The following BLOC1S1 variants were observed in gnomAD, a reference collection of about 807,000 sequenced individuals.
BLOC1S1 encodes the protein biogenesis of lysosome-related organelles complex 1 subunit 1.
A neutral mutation model predicts 19.0 loss-of-function variants in BLOC1S1; 11 were observed. The ratio of observed to expected loss-of-function variants is 0.58; its 90% CI spans 0.37 to 0.96. The LOEUF (loss-of-function observed/expected upper bound fraction) is 0.96. Ranked by LOEUF, BLOC1S1 falls within the 40% of genes least tolerant of loss-of-function variation. The probability of loss-of-function intolerance (pLI) is 0.01; values close to 1 mark genes in which losing one functional copy is unlikely to be tolerated. For missense variants in BLOC1S1, 220 were observed against 195.9 expected (o/e 1.12, Z -0.73); for synonymous variants, 94 against 76.4 (o/e 1.23, Z -1.20).
At position 55,719,072 on chromosome 12, in the gene BLOC1S1, CCCT is replaced by C. The variant is rs1876779287; in HGVS notation, c.219-13_219-11del. ...CCCAACTAGCTGGAGCTGATCTCCT[CCCT>C]CCTCCAACCCCCCAGTGTGGCCCAG... On this transcript the variant is annotated splice_polypyrimidine_tract_variant and intron_variant, in intron 2 of 3. Coordinates refer to ENST00000548925, the MANE Select transcript of BLOC1S1 (RefSeq NM_001487.4). 1 of 1,611,942 alleles carries C rather than the reference CCCT, an allele frequency of 6.2e-7. No individual in the cohort carries two copies.
At position 55,719,437 on chromosome 12, in the gene BLOC1S1, A is replaced by C. The variant is rs548443284; in HGVS notation, c.352-62A>C. The stretch of plus-strand genomic sequence containing the variant: ...GAGATGAATAAAACGTATTCCCCAG[A>C]CTGGAAGCCATACTCTACCCATTCT... On this transcript the variant is annotated intron_variant, in intron 3 of 3. Transcript: ENST00000548925. 4 of 1,512,784 alleles carry C rather than the reference A, an allele frequency of 2.6e-6. No homozygotes were observed. In the South Asian group the frequency reaches 4.5e-5, roughly 17 times the overall value. The allele number at this position is 1,512,784 out of a possible 1,614,324, so 93.7% of individuals were successfully genotyped here. A position where few individuals can be genotyped will look rare whatever the true frequency, so the allele number is the denominator to read the frequency against.
intron 2 of BLOC1S1, among the ~76,000 whole-genome samples, chr12:55,718,053 T>G (rs1277080656): frequency 6.6e-6 from 1 of 152,234 alleles, no homozygotes; most frequent in Non-Finnish European, 1.5e-5. Flanking sequence ...CCTTTCCCTC[T>G]TCTTTTCCTT....
intron 2 of BLOC1S1, 90 bp from the exon 3 acceptor site, chr12:55,719,001 G>A (rs940899162): frequency 2.0e-6 from 3 of 1,495,962 alleles, no homozygotes; most frequent in Admixed American, 4.4e-5. Flanking sequence ...CTGATTCTTG[G>A]CTGAACTCCC....
chr12:55,719,671 T>C lies in BLOC1S1; in HGVS notation c.*62T>C. 7.2e-7 allele frequency: 1 copy of C among 1,382,044 alleles called. No homozygotes were observed. Among genetic ancestry groups the C allele is most frequent in the Non-Finnish European group, 1.0e-6 (1 of 978,380 alleles). 85.6% of individuals were successfully genotyped at this position (1,382,044 alleles called of 1,614,324 possible). A position where few individuals can be genotyped will look rare whatever the true frequency, so the allele number is the denominator to read the frequency against. On this transcript the variant is annotated 3_prime_UTR_variant, in exon 4 of 4. Coordinates refer to ENST00000548925, the MANE Select transcript of BLOC1S1 (RefSeq NM_001487.4). ...CACCCGCAGGGGGAAGGAGGGAGGC[T>C]GACAAGCCTTGAATAAAACACAAGC...
chr12:55,719,673 A>G lies in BLOC1S1; in HGVS notation c.*64A>G, dbSNP rs1003100626. On this transcript the variant is annotated 3_prime_UTR_variant, in exon 4 of 4. Transcript: ENST00000548925. ...CCCGCAGGGGGAAGGAGGGAGGCTG[A>G]CAAGCCTTGAATAAAACACAAGCCT... is the stretch of plus-strand genomic sequence containing the variant. The G allele has an allele frequency of 7.2e-6, 10 of 1,380,808 alleles. No individual in the cohort carries two copies. The African/African-American group carries it at 1.4e-4, about 20-fold the overall frequency. The allele number at this position is 1,380,808 out of a possible 1,614,324, so 85.5% of individuals were successfully genotyped here. A position where few individuals can be genotyped will look rare whatever the true frequency, so the allele number is the denominator to read the frequency against.
intron 1 of BLOC1S1, 141 bp from the exon 2 acceptor site, chr12:55,716,792 G>A: frequency 6.3e-6 from 8 of 1,264,810 alleles, no homozygotes; most frequent in Non-Finnish European, 3.2e-6. Flanking sequence ...GTTTTGCAAG[G>A]TCCTTTTCAG....
chr12:55,716,354 C>T, intron 1 of BLOC1S1, 158 bp downstream of exon 1: 2 of 1,459,490 alleles, frequency 1.4e-6, no homozygotes, highest in East Asian at 5.2e-5. Flanking sequence ...TTTTTTGAAA[C>T]TCCTTTCCCT....
Position 55,716,058 on chromosome 12 carries a change from CCGG to C in BLOC1S1, c.8_10del (p.Pro3_Gly4delinsArg). ...GACACAGCGGTCACGTGACATGGCCCCGGGGAGCCGAGGTGAGCGTTCCAGCTT... is the reference window on the plus strand; with the variant it reads ...GACACAGCGGTCACGTGACATGGCCCGGAGCCGAGGTGAGCGTTCCAGCTT... On this transcript the variant is annotated inframe_deletion, in exon 1 of 4. Transcript: ENST00000548925. 1 of 1,558,306 alleles carries C rather than the reference CCGG, an allele frequency of 6.4e-7. No individual in the cohort carries two copies. Among genetic ancestry groups the C allele is most frequent in the Non-Finnish European group, 8.7e-7 (1 of 1,152,250 alleles).
chr12:55,719,282 T>G, intron 3 of BLOC1S1, 59 bp downstream of exon 3: 1 of 1,612,278 alleles, frequency 6.2e-7, no homozygotes, highest in Non-Finnish European at 8.5e-7. Flanking sequence ...CTGCCTCCAG[T>G]CAGGTTACCT....
At chr12:55,716,400 G>GT (rs1286335252) in intron 1 of BLOC1S1, 1 of 1,395,602 alleles carries the variant, frequency 7.2e-7, no homozygotes, top group African/African-American at 1.5e-5. Flanking sequence ...CAATACTCCG[G>GT]TCCCCTCGGC....
intron 1 of BLOC1S1, chr12:55,716,567 G>C (rs1202840054): frequency 8.3e-7 from 1 of 1,207,308 alleles, no homozygotes; most frequent in Non-Finnish European, 1.0e-6. Context: ...CTTCTTGGAG[G>C]CCTGAAACCA....
In BLOC1S1 at chr12:55,716,084, C is replaced by T. The variant is rs1297319654; in HGVS notation, c.33C>T (p.Ser11=). MAPGSRGERS[S]FRSRRGPGVP... is the part of the protein sequence containing the mutation. The stretch of plus-strand genomic sequence containing the variant: ...CGGGGAGCCGAGGTGAGCGTTCCAG[C>T]TTCCGGAGCCGGAGGGGGCCCGGCG... Residue 11 remains serine, a synonymous_variant, in exon 1 of 4, where the codon AGC becomes AGT. Transcript: ENST00000548925. 4 of 1,580,388 alleles carry T rather than the reference C, an allele frequency of 2.5e-6. No homozygotes were observed. In the African/African-American group the frequency reaches 5.4e-5, roughly 21 times the overall value.
In BLOC1S1 at chr12:55,719,072, C is replaced by T; in HGVS notation, c.219-19C>T. 1.9e-6 allele frequency: 3 copies of T among 1,612,060 alleles called. No individual in the cohort carries two copies. The highest frequency in any genetic ancestry group is 2.5e-6 in the Non-Finnish European group (3 of 1,178,762). ...CCCAACTAGCTGGAGCTGATCTCCT[C>T]CCTCCTCCAACCCCCCAGTGTGGCC... On this transcript the variant is annotated intron_variant, in intron 2 of 3. Transcript: ENST00000548925.
chr12:55,718,271 TG>T (rs1432494622), intron 2 of BLOC1S1, among the ~76,000 whole-genome samples: 1 of 151,900 alleles, frequency 6.6e-6, no homozygotes, highest in Non-Finnish European at 1.5e-5. Context: ...TTCCAGTGGG[TG>T]GGGGCACCGG....
chr12:55,719,301 G>T (rs758422764), intron 3 of BLOC1S1, 78 bp downstream of exon 3: 1 of 1,608,074 alleles, frequency 6.2e-7, no homozygotes, highest in Non-Finnish European at 8.5e-7. Flanking sequence ...CTCAGGTTTA[G>T]GTTAAGGAGG....
Position 55,716,121 on chromosome 12 carries a change from C to G in BLOC1S1, c.70C>G (p.Gln24Glu), listed in dbSNP as rs1248263975. ...SRRGPGVPSP[Q>E]PDVTMLSRLL... The stretch of plus-strand genomic sequence containing the variant: ...GAGGGGGCCCGGCGTACCCAGCCCC[C>G]AGCCCGACGTGACCATGCTGTCCCG... Residue 24 changes from glutamine to glutamate, a missense_variant, in exon 1 of 4, where the codon CAG becomes GAG. Coordinates refer to ENST00000548925, the MANE Select transcript of BLOC1S1 (RefSeq NM_001487.4). 8 of 1,609,396 alleles carry G rather than the reference C, an allele frequency of 5.0e-6. No homozygotes were observed. The highest frequency in any genetic ancestry group is 6.8e-6 in the Non-Finnish European group (8 of 1,177,916).
rs767243561 is a variant in BLOC1S1 at position 55,716,173 on chromosome 12, A to T, written c.122A>T (p.Gln41Leu). 1.9e-6 allele frequency: 3 copies of T among 1,612,204 alleles called. No individual in the cohort carries two copies. Among genetic ancestry groups the T allele is most frequent in the Non-Finnish European group, 2.5e-6 (3 of 1,179,102 alleles). The change falls in exon 1 of 4, where the codon CAG becomes CTG. Residue 41 changes from glutamine to leucine, a missense_variant. Coordinates refer to ENST00000548925, the MANE Select transcript of BLOC1S1 (RefSeq NM_001487.4). ...SRLLKEHQAK[Q>L]NERKELQEKR... The stretch of plus-strand genomic sequence containing the variant: ...CTCCTAAAAGAACACCAGGCCAAGC[A>T]GAATGAACGCAAGGAGCTGCAGGGT...
chr12:55,719,396 G>C (rs1876804148), intron 3 of BLOC1S1, 103 bp from the exon 4 acceptor site: 1 of 1,457,038 alleles, frequency 6.9e-7, no homozygotes, highest in Non-Finnish European at 9.6e-7. Context: ...GTGGGTCCAA[G>C]TAAAGCCTTT....
chr12:55,716,395 CT>C (rs1876529679), intron 1 of BLOC1S1, 199 bp downstream of exon 1: 7 of 1,400,642 alleles, frequency 5.0e-6, no homozygotes, highest in Non-Finnish European at 5.5e-6. Context: ...TTGGGCAATA[CT>C]CCGGTCCCCT....
Sources: allele counts gnomAD v4.1 joint callset (sites outside exome capture counted in the v4.1 genomes callset), GRCh38; gene constraint gnomAD v4.1.1; transcripts MANE v1.5; gene names NCBI Gene and HGNC (gene_info 2026-07-23, HGNC 2026-07-21).